The following MYOCOS variants were observed in gnomAD, a reference collection of about 807,000 sequenced individuals.
The protein encoded by MYOCOS is myocilin opposite strand protein.
At chr1:171,624,700 G>A (rs1652658554) in intron 2 of MYOCOS, among the ~76,000 whole-genome samples, 2 of 152,048 alleles carry the variant, frequency 1.3e-5, no homozygotes, top group Admixed American at 6.6e-5. Context: ...GCCCGCCTCG[G>A]CCTCCCAAAG....
chr1:171,607,470 T>G (rs566992956), intron 1 of MYOCOS, among the ~76,000 whole-genome samples: 1 of 152,304 alleles, frequency 6.6e-6, no homozygotes, highest in South Asian at 2.1e-4. Flanking sequence ...AAAACCCAAG[T>G]TGGTAAATAA....
At chr1:171,618,822 C>T (rs938085550), upstream of MYOCOS, among the ~76,000 whole-genome samples, 24 of 152,128 alleles carry the variant, frequency 1.6e-4, no homozygotes, top group Admixed American at 1.2e-3. Flanking sequence ...GTGATCTGCC[C>T]GCCTTGGCCT....
At chr1:171,618,467 C>A (rs138969899), upstream of MYOCOS, among the ~76,000 whole-genome samples, 10 of 152,330 alleles carry the variant, frequency 6.6e-5, no homozygotes, top group African/African-American at 2.4e-4. Context: ...TAATCTAGTT[C>A]CTACATGTGC....
intron 2 of MYOCOS, among the ~76,000 whole-genome samples, chr1:171,624,996 A>C (rs767807612): frequency 6.6e-6 from 1 of 152,222 alleles, no homozygotes; most frequent in Non-Finnish European, 1.5e-5. Context: ...TATTGATTTG[A>C]AATAGAAAAT....
rs541020930 is a variant in MYOCOS, at chr1:171,601,429, A to G, written c.-252+349A>G. Among the ~76,000 whole-genome samples, 7 of 151,240 alleles carry G rather than the reference A, an allele frequency of 4.6e-5. No homozygotes were observed. The East Asian group carries it at 1.2e-3, about 25-fold the overall frequency. ...GTAAAAGTGTGGGTGTGCCCTCTTT[A>G]CCCGTTCTTTGTCTTGTGGTGAGTG... On this transcript the variant is annotated intron_variant, in intron 1 of 3. Transcript: ENST00000636697.
chr1:171,608,068 T>G (rs1652283574), intron 1 of MYOCOS, among the ~76,000 whole-genome samples: 1 of 152,140 alleles, frequency 6.6e-6, no homozygotes, highest in South Asian at 2.1e-4. Flanking sequence ...ACGACAGCAG[T>G]ATGGGGGAAA....
At chr1:171,621,110 C>T (rs994801184), upstream of MYOCOS, among the ~76,000 whole-genome samples, 5 of 152,016 alleles carry the variant, frequency 3.3e-5, no homozygotes, top group South Asian at 2.1e-4. Context: ...TGTCTCATGC[C>T]TCTCTAAAAT....
intron 1 of MYOCOS, among the ~76,000 whole-genome samples, chr1:171,613,675 G>A (rs1253490141): frequency 6.6e-6 from 1 of 152,058 alleles, no homozygotes; most frequent in African/African-American, 2.4e-5. Flanking sequence ...AGCTTCCTGA[G>A]TAGCTGGGAC....
chr1:171,606,830 A>G (rs1316259272), intron 1 of MYOCOS, among the ~76,000 whole-genome samples: 1 of 152,188 alleles, frequency 6.6e-6, no homozygotes, highest in African/African-American at 2.4e-5. Flanking sequence ...GCTACAGCTC[A>G]TGCCTGTAAT....
At chr1:171,616,703 T>C (rs1175305438) in intron 2 of MYOCOS, among the ~76,000 whole-genome samples, 1 of 152,142 alleles carries the variant, frequency 6.6e-6, no homozygotes, top group Non-Finnish European at 1.5e-5. Flanking sequence ...ATTGGTTGAG[T>C]TCAGGAGAGA....
At chr1:171,602,008 C>G (rs1652151209) in intron 1 of MYOCOS, among the ~76,000 whole-genome samples, 1 of 148,772 alleles carries the variant, frequency 6.7e-6, no homozygotes, top group African/African-American at 2.5e-5. Context: ...TAGCCTTAGA[C>G]AGTCTAGTCC....
At chr1:171,606,252 A>G (rs1032675054) in intron 1 of MYOCOS, among the ~76,000 whole-genome samples, 1 of 152,240 alleles carries the variant, frequency 6.6e-6, no homozygotes. Context: ...CAAGTGTACT[A>G]TATAAATCAC....
intron 1 of MYOCOS, among the ~76,000 whole-genome samples, chr1:171,611,133 A>T (rs953339435): frequency 2.9e-4 from 44 of 152,242 alleles, no homozygotes; most frequent in Non-Finnish European, 5.1e-4. Context: ...CCCTGAGAAG[A>T]GCTGCAGAGC....
intron 1 of MYOCOS, among the ~76,000 whole-genome samples, chr1:171,612,178 G>A (rs1652367268): frequency 6.6e-6 from 1 of 152,026 alleles, no homozygotes; most frequent in South Asian, 2.1e-4. Context: ...CCAGATTCAA[G>A]CGATTCTCCT....
chr1:171,602,569 T>C (rs1652163514), intron 1 of MYOCOS, among the ~76,000 whole-genome samples: 1 of 152,150 alleles, frequency 6.6e-6, no homozygotes, highest in Non-Finnish European at 1.5e-5. Context: ...AGCATCAACC[T>C]GCTCTTTAAC....
At position 171,615,672 on chromosome 1, in the gene MYOCOS, C is replaced by G. The variant is rs529808096; in HGVS notation, c.-44+667C>G. 2.6e-5 allele frequency among the ~76,000 whole-genome samples: 4 copies of G among 152,320 alleles called. No homozygotes were observed. In the East Asian group the frequency reaches 7.7e-4, roughly 29 times the overall value. On this transcript the variant is annotated intron_variant, in intron 2 of 3. Coordinates refer to the MYOCOS transcript ENST00000636697. Reference sequence around the variant, plus strand: ...AAACTCCCTGCCCTGTTCTGTTTCTCTCTGACCACCGGTGCATGCAGCCCC... The same window carrying G: ...AAACTCCCTGCCCTGTTCTGTTTCTGTCTGACCACCGGTGCATGCAGCCCC...
At chr1:171,606,471 T>TG (rs71107328) in intron 1 of MYOCOS, among the ~76,000 whole-genome samples, 152,311 of 152,312 alleles carry the variant, frequency 1, 76,155 homozygotes, top group Non-Finnish European at 1. Flanking sequence ...GCCCCAGGCC[T>TG]GGCCTGCCTG....
At chr1:171,610,889 G>C (rs943849059) in intron 1 of MYOCOS, among the ~76,000 whole-genome samples, 1 of 152,202 alleles carries the variant, frequency 6.6e-6, no homozygotes, top group Non-Finnish European at 1.5e-5. Flanking sequence ...TTTAGGTCTT[G>C]CCCTATTTTA....
intron 1 of MYOCOS, among the ~76,000 whole-genome samples, chr1:171,602,202 C>T (rs1031377729): frequency 3.9e-5 from 6 of 152,042 alleles, no homozygotes; most frequent in African/African-American, 1.2e-4. Flanking sequence ...AAAGTTGAGA[C>T]ATGTTGAAAA....
Sources: gnomAD v4.1 joint callset for allele counts (sites outside exome capture counted in the v4.1 genomes callset) on GRCh38, gnomAD v4.1.1 for gene constraint, MANE v1.5 for transcripts, NCBI Gene and HGNC (gene_info 2026-07-23, HGNC 2026-07-21) for gene names.